FER1L6: variants seen among roughly 807,000 people sequenced by gnomAD.
The protein encoded by FER1L6 is fer-1 like family member 6, also known as fer-1-like protein 6.
FER1L6 carries 177 observed loss-of-function variants against 219.2 expected under a neutral mutation model. The ratio of observed to expected loss-of-function variants is 0.81; its 90% CI spans 0.71 to 0.91. FER1L6 has a LOEUF of 0.91. Ranked by LOEUF, FER1L6 falls within the 40% of genes least tolerant of loss-of-function variation. The pLI, the probability that FER1L6 is intolerant of heterozygous loss-of-function variation, is 0.00. For missense variants in FER1L6, 2,153 were observed against 2,259.9 expected (o/e 0.95, Z 0.96); for synonymous variants, 768 against 824.3 (o/e 0.93, Z 1.17).
At chr8:123,985,534 A>G (rs1816533973) in intron 11 of FER1L6, 1 of 153,332 alleles carries the variant, frequency 6.5e-6, no homozygotes, top group Admixed American at 6.5e-5. Flanking sequence ...GTTACTTGAC[A>G]ACCTCAAGCT....
intron 1 of FER1L6, among the ~76,000 whole-genome samples, chr8:123,877,254 A>G (rs1817020100): frequency 6.6e-6 from 1 of 152,260 alleles, no homozygotes; most frequent in Admixed American, 6.5e-5. Flanking sequence ...AGATTTGTCT[A>G]GAACTGTGAG....
intron 1 of FER1L6, among the ~76,000 whole-genome samples, chr8:123,866,341 TA>T (rs2130266536): frequency 6.6e-6 from 1 of 151,876 alleles, no homozygotes; most frequent in East Asian, 1.9e-4. Context: ...ACTACGTATA[TA>T]AAAATATGTA....
At chr8:124,014,741 A>G (rs1050235048) in intron 15 of FER1L6, among the ~76,000 whole-genome samples, 1 of 152,168 alleles carries the variant, frequency 6.6e-6, no homozygotes, top group African/African-American at 2.4e-5. Flanking sequence ...TAGAGGGCAG[A>G]CAATATAAAA....
chr8:124,070,370 T>G, intron 29 of FER1L6, 97 bp from the exon 30 acceptor site: 2 of 1,367,600 alleles, frequency 1.5e-6, no homozygotes, highest in Non-Finnish European at 2.0e-6. Flanking sequence ...CCAAGGGGCA[T>G]ATATCAAGGC....
chr8:123,914,640 C>G (rs1338255776), intron 1 of FER1L6, among the ~76,000 whole-genome samples: 7 of 152,128 alleles, frequency 4.6e-5, no homozygotes, highest in African/African-American at 1.7e-4. Flanking sequence ...GTGTTCCTAG[C>G]CCAGAGGAGC....
intron 15 of FER1L6, among the ~76,000 whole-genome samples, chr8:124,015,238 C>G (rs117620482): frequency 3.9e-4 from 59 of 152,188 alleles, no homozygotes; most frequent in Non-Finnish European, 6.6e-4. Flanking sequence ...GCCCAGCCCA[C>G]CTTCAAAGGG....
chr8:124,084,308 G>GTC (rs1327494500), intron 33 of FER1L6, among the ~76,000 whole-genome samples: 10 of 151,916 alleles, frequency 6.6e-5, no homozygotes, highest in Admixed American at 5.9e-4. Flanking sequence ...GAATAACAGT[G>GTC]GTGAAAGTGG....
At chr8:124,035,181 C>A in intron 18 of FER1L6, 96 bp from the exon 19 acceptor site, 1 of 1,304,664 alleles carries the variant, frequency 7.7e-7, no homozygotes, top group East Asian at 2.3e-5. Context: ...GAACATACTT[C>A]CAGGTGTGTC....
At chr8:123,935,386 T>C (rs189122737) in intron 1 of FER1L6, among the ~76,000 whole-genome samples, 62 of 152,318 alleles carry the variant, frequency 4.1e-4, no homozygotes, top group Admixed American at 9.2e-4. Context: ...AATAAGATAT[T>C]CCACGTTCAT....
At chr8:124,046,107 C>T (rs1819721826) in intron 21 of FER1L6, 2 of 508,604 alleles carry the variant, frequency 3.9e-6, no homozygotes, top group Admixed American at 3.6e-5. Flanking sequence ...AAGAGTTTTT[C>T]ACTGACTTCC....
intron 1 of FER1L6, among the ~76,000 whole-genome samples, chr8:123,948,780 T>C (rs1814616099): frequency 1.2e-5 from 1 of 86,464 alleles, no homozygotes; most frequent in Non-Finnish European, 2.7e-5. Context: ...GCATCTTGTC[T>C]TTTTTTTTTT....
intron 20 of FER1L6, chr8:124,040,320 A>C: frequency 2.7e-6 from 1 of 371,446 alleles, no homozygotes; most frequent in Non-Finnish European, 5.1e-6. Context: ...GAAGGAGCAA[A>C]TGAGGAAACA....
chr8:124,034,485 A>G (rs1319133855), intron 18 of FER1L6, among the ~76,000 whole-genome samples: 3 of 152,248 alleles, frequency 2.0e-5, no homozygotes, highest in African/African-American at 7.2e-5. Flanking sequence ...GTACACACAT[A>G]CATGTGGACA....
At chr8:123,866,363 C>T (rs764194507) in intron 1 of FER1L6, among the ~76,000 whole-genome samples, 14 of 151,550 alleles carry the variant, frequency 9.2e-5, no homozygotes, top group Non-Finnish European at 1.8e-4. Flanking sequence ...TATATATACA[C>T]ACTACATTTT....
chr8:123,879,310 G>A (rs751920821), intron 1 of FER1L6, among the ~76,000 whole-genome samples: 8 of 151,916 alleles, frequency 5.3e-5, no homozygotes, highest in Non-Finnish European at 8.8e-5. Context: ...CTCAAAAAAA[G>A]ATTCAATATT....
intron 32 of FER1L6, 37 bp downstream of exon 32, chr8:124,076,362 C>A: frequency 6.3e-7 from 1 of 1,597,638 alleles, no homozygotes; most frequent in Admixed American, 1.7e-5. Context: ...ATTGTCCTTT[C>A]TGCATTTGCT....
At chr8:124,116,403 A>G (rs1483063849) in intron 39 of FER1L6, among the ~76,000 whole-genome samples, 1 of 152,156 alleles carries the variant, frequency 6.6e-6, no homozygotes, top group Non-Finnish European at 1.5e-5. Context: ...CAAAAAGGGC[A>G]TGCATGAAAC....
intron 8 of FER1L6, among the ~76,000 whole-genome samples, chr8:123,975,528 A>G (rs547214513): frequency 5.3e-5 from 8 of 152,232 alleles, no homozygotes; most frequent in Middle Eastern, 3.4e-3. Context: ...TCTTCCTATA[A>G]TAACCCATAA....
At chr8:123,877,202 G>A (rs1224464013) in intron 1 of FER1L6, among the ~76,000 whole-genome samples, 1 of 152,200 alleles carries the variant, frequency 6.6e-6, no homozygotes, top group African/African-American at 2.4e-5. Context: ...CGTCACTCAA[G>A]AATCATCCTT....
Sources: allele counts gnomAD v4.1 joint callset (sites outside exome capture counted in the v4.1 genomes callset), GRCh38; gene constraint gnomAD v4.1.1; transcripts MANE v1.5; gene names NCBI Gene and HGNC (gene_info 2026-07-23, HGNC 2026-07-21).